Variants in PTPN5 observed in about 807,000 individuals in gnomAD.
PTPN5 encodes the protein tyrosine-protein phosphatase non-receptor type 5.
A neutral mutation model predicts 73.9 loss-of-function variants in PTPN5; 29 were observed. The observed-to-expected ratio is 0.39, with a 90% confidence interval of 0.29 to 0.54. The LOEUF is 0.54. Among genes scored for constraint, PTPN5 ranks in the 20% least tolerant of loss-of-function variants. PTPN5 has a pLI of 0.65. For missense variants in PTPN5, 652 were observed against 751.4 expected, an observed-to-expected ratio of 0.87 and a Z score of 1.55; for synonymous variants, 267 against 304.7, an observed-to-expected ratio of 0.88 and a Z score of 1.29.
At chr11:18,756,920 TCA>T (rs1491240278) in intron 3 of PTPN5, among the ~76,000 whole-genome samples, 42,576 of 109,722 alleles carry the variant, frequency 0.39, 7,595 homozygotes, top group Admixed American at 0.49. Context: ...CAAGACTCCA[TCA>T]AAAAAAAAAA....
intron 3 of PTPN5, among the ~76,000 whole-genome samples, chr11:18,746,330 C>T (rs562014739): frequency 3.3e-5 from 5 of 150,966 alleles, no homozygotes; most frequent in East Asian, 1.9e-4. Flanking sequence ...TAGCTGGTAT[C>T]GCAGGTGTGT....
chr11:18,779,871 G>A (rs149046679), intron 1 of PTPN5, among the ~76,000 whole-genome samples: 5 of 152,302 alleles, frequency 3.3e-5, no homozygotes, highest in South Asian at 2.1e-4. Context: ...GCCTTGGGTC[G>A]GTGTCCTAAC....
At chr11:18,772,181 T>C (rs189504055) in intron 1 of PTPN5, 110 bp from the exon 2 acceptor site, 4 of 531,012 alleles carry the variant, frequency 7.5e-6, no homozygotes, top group Non-Finnish European at 1.3e-5. Context: ...GGAGTCACCT[T>C]TCTCCTCCCC....
chr11:18,757,997 T>C (rs1850229725), intron 3 of PTPN5, among the ~76,000 whole-genome samples: 1 of 152,070 alleles, frequency 6.6e-6, no homozygotes, highest in Non-Finnish European at 1.5e-5. Context: ...GAGCCGAAGA[T>C]TTAAGCAACA....
At chr11:18,744,583 A>G (rs1849531416) in intron 3 of PTPN5, among the ~76,000 whole-genome samples, 1 of 151,522 alleles carries the variant, frequency 6.6e-6, no homozygotes, top group Admixed American at 6.6e-5. Context: ...TAACCAGGCC[A>G]TGACCCTGAG....
chr11:18,728,903 G>T lies in PTPN5; in HGVS notation c.*31C>A. On this transcript the variant is annotated 3_prime_UTR_variant, in exon 15 of 15. Transcript: ENST00000358540. The surrounding 1 kb of genome is among the most constrained non-coding windows in gnomAD (Gnocchi z 4.1). ...TGAGGGCCGAGACTCAGGCTGGGCA[G>T]TGCCCAGAGAACCTTGTAGGAGAAG... 3 of 1,597,296 alleles carry T rather than the reference G, an allele frequency of 1.9e-6. No homozygotes were observed. The highest frequency in any genetic ancestry group is 2.6e-6 in the Non-Finnish European group (3 of 1,170,078).
chr11:18,779,913 A>G (rs921322080), intron 1 of PTPN5, among the ~76,000 whole-genome samples: 15 of 152,108 alleles, frequency 9.9e-5, no homozygotes, highest in Non-Finnish European at 2.2e-4. Flanking sequence ...CCCACTTAAC[A>G]TGGCACCGAT....
Position 18,728,791 on chromosome 11 carries a change from G to A in PTPN5, c.*143C>T. The A allele has an allele frequency of 1.4e-6, 1 of 707,848 alleles. No homozygotes were observed. Among genetic ancestry groups the A allele is most frequent in the African/African-American group, 1.8e-5 (1 of 55,564 alleles). 43.8% of individuals were successfully genotyped at this position (707,848 alleles called of 1,614,324 possible). ...GGAAGAGCAATGCTGGAGGGTAGGG[G>A]TCAGGCCAGGCTGACAGAGGACAGA... is the stretch of plus-strand genomic sequence containing the variant. On this transcript the variant is annotated 3_prime_UTR_variant, in exon 15 of 15. Transcript: ENST00000358540. This position sits in a 1 kb window ranked among gnomAD's most constrained non-coding sequence, Gnocchi z 4.1.
At chr11:18,751,561 G>A (rs2134252813) in intron 3 of PTPN5, among the ~76,000 whole-genome samples, 1 of 152,298 alleles carries the variant, frequency 6.6e-6, no homozygotes, top group Non-Finnish European at 1.5e-5. Flanking sequence ...CACGCAAGGA[G>A]GAGGTAGGAA....
chr11:18,749,263 T>C (rs373624044), intron 3 of PTPN5, among the ~76,000 whole-genome samples: 23 of 152,174 alleles, frequency 1.5e-4, no homozygotes, highest in East Asian at 5.8e-4. Context: ...TGATTTAACA[T>C]TGGGCTCCTC....
At chr11:18,741,812 G>A (rs1356838851) in intron 7 of PTPN5, among the ~76,000 whole-genome samples, 3 of 152,090 alleles carry the variant, frequency 2.0e-5, no homozygotes, top group Non-Finnish European at 2.9e-5. Context: ...CCCAAACCTC[G>A]GCATTATGCA....
chr11:18,791,757 C>T lies in PTPN5; in HGVS notation c.-346G>A, dbSNP rs1851943950. The T allele has an allele frequency of 6.6e-6, 1 of 151,976 alleles. No homozygotes were observed. The highest frequency in any genetic ancestry group is 2.1e-4 in the South Asian group (1 of 4,814). The allele number at this position is 151,976 out of a possible 1,614,324, so 9.4% of individuals were successfully genotyped here. ...CCGTCCCGCGCTCCGTGCGCGCTCC[C>T]TCGCCCGACCGCCTCACCAAATGCG... On this transcript the variant is annotated 5_prime_UTR_variant, in exon 1 of 15. Transcript: ENST00000358540.
chr11:18,751,945 T>C (rs1197308107), intron 3 of PTPN5, among the ~76,000 whole-genome samples: 1 of 152,142 alleles, frequency 6.6e-6, no homozygotes, highest in African/African-American at 2.4e-5. Context: ...TAAGAGTCCA[T>C]GTAGTCACTG....
intron 3 of PTPN5, among the ~76,000 whole-genome samples, chr11:18,763,111 A>G (rs943343258): frequency 1.3e-5 from 2 of 152,174 alleles, no homozygotes; most frequent in African/African-American, 4.8e-5. Flanking sequence ...AATTACTGCA[A>G]TCCCCTATCA....
In PTPN5 at chr11:18,728,877, G is replaced by A. The variant is rs1373515813; in HGVS notation, c.*57C>T. The A allele has an allele frequency of 2.6e-6, 4 of 1,543,324 alleles. No individual in the cohort carries two copies. The highest frequency in any genetic ancestry group is 2.3e-5 in the East Asian group (1 of 44,192). ...CCCAGGACCCGAGGCAGGGCCCTGGGTGAGGGCCGAGACTCAGGCTGGGCA... is the reference window on the plus strand; with the variant it reads ...CCCAGGACCCGAGGCAGGGCCCTGGATGAGGGCCGAGACTCAGGCTGGGCA... On this transcript the variant is annotated 3_prime_UTR_variant, in exon 15 of 15. Transcript: ENST00000358540. This position sits in a 1 kb window ranked among gnomAD's most constrained non-coding sequence, Gnocchi z 4.1.
chr11:18,776,760 T>C (rs1261431183), intron 1 of PTPN5, among the ~76,000 whole-genome samples: 1 of 152,136 alleles, frequency 6.6e-6, no homozygotes, highest in African/African-American at 2.4e-5. Flanking sequence ...CAGCATCTGA[T>C]ATGGACTTTT....
At chr11:18,740,339 C>A in intron 8 of PTPN5, 1 of 308,740 alleles carries the variant, frequency 3.2e-6, no homozygotes, top group Non-Finnish European at 5.9e-6. Flanking sequence ...CACTGTACCT[C>A]CATCACCTGG....
intron 2 of PTPN5, among the ~76,000 whole-genome samples, chr11:18,771,544 C>A (rs1850900048): frequency 6.6e-6 from 1 of 152,214 alleles, no homozygotes; most frequent in African/African-American, 2.4e-5. Context: ...ACTTCCGACT[C>A]TGGAGCATCC....
intron 1 of PTPN5, among the ~76,000 whole-genome samples, chr11:18,787,357 GA>G (rs1427757330): frequency 6.6e-6 from 1 of 152,152 alleles, no homozygotes; most frequent in East Asian, 1.9e-4. Flanking sequence ...ATTCAACAAT[GA>G]TTTACTGTGA....
Sources: gnomAD v4.1 joint callset for allele counts (sites outside exome capture counted in the v4.1 genomes callset) on GRCh38, gnomAD v4.1.1 for gene constraint, Gnocchi (gnomAD v3.1) non-coding constraint, MANE v1.5 for transcripts, NCBI Gene and HGNC (gene_info 2026-07-23, HGNC 2026-07-21) for gene names.